Variants in ADIPOR2 observed in about 807,000 individuals in gnomAD.
ADIPOR2 encodes the protein adiponectin receptor 2, also known as adiponectin receptor protein 2.
In ADIPOR2, 18 loss-of-function variants were observed where a neutral mutation model predicts 40.9. The observed-to-expected ratio is 0.44, with a 90% CI of 0.30 to 0.65. The LOEUF is 0.65. ADIPOR2 is among the 30% of genes least tolerant of loss of function. The pLI is 0.09. For synonymous variants in ADIPOR2, 165 were observed against 166.4 expected (o/e 0.99, Z 0.06); for missense variants, 283 against 479.2 (o/e 0.59, Z 3.82).
intron 1 of ADIPOR2, among the ~76,000 whole-genome samples, chr12:1,714,007 C>G (rs1417367891): frequency 6.6e-6 from 1 of 152,124 alleles, no homozygotes; most frequent in Non-Finnish European, 1.5e-5. Flanking sequence ...CCCGGGCACC[C>G]TCAGTCCTGT....
rs74261157 is a variant in ADIPOR2 at position 1,730,222 on chromosome 12, GT to G, written c.-86-24021del. On this transcript the variant is annotated intron_variant, in intron 1 of 7. Transcript: ENST00000357103. ...TATAATCACTATTAGGGGTATTAAA[GT>G]TTTTTTTTTTTTTTAAACAAAAACT... Among the ~76,000 whole-genome samples the G allele has an allele frequency of 6.2e-3, 872 of 140,222 alleles. 7 individuals are homozygous for G. The highest frequency in any genetic ancestry group is 0.015 in the African/African-American group (591 of 38,426). The allele number at this position is 140,222 out of a possible 152,430, so 92.0% of individuals were successfully genotyped here.
chr12:1,743,507 C>T (rs2094748146), intron 1 of ADIPOR2, among the ~76,000 whole-genome samples: 1 of 151,722 alleles, frequency 6.6e-6, no homozygotes, highest in Admixed American at 6.6e-5. Flanking sequence ...TCCAGTGCTA[C>T]AAAAAATTAA....
In ADIPOR2 at chr12:1,748,834, T is replaced by TC. The variant is rs562461189; in HGVS notation, c.-86-5420dup. Reference sequence around the variant, plus strand: ...TGTGATCACACACATGGGGTTGTTTTCCCCACACACCAAGCAGCAGACAGC... The same window carrying TC: ...TGTGATCACACACATGGGGTTGTTTTCCCCCACACACCAAGCAGCAGACAGC... On this transcript the variant is annotated intron_variant, in intron 1 of 7. Transcript: ENST00000357103. Among the ~76,000 whole-genome samples, 6 of 152,028 alleles carry TC rather than the reference T, an allele frequency of 3.9e-5. No individual in the cohort carries two copies. The South Asian group carries it at 1.2e-3, about 32-fold the overall frequency.
chr12:1,732,696 T>G (rs2094722886), intron 1 of ADIPOR2, among the ~76,000 whole-genome samples: 1 of 152,206 alleles, frequency 6.6e-6, no homozygotes, highest in Non-Finnish European at 1.5e-5. Context: ...ACTTTTGTAT[T>G]TATGCATACA....
Position 1,770,163 on chromosome 12 carries a change from C to G in ADIPOR2, c.172-2679C>G, listed in dbSNP as rs552796344. Among the ~76,000 whole-genome samples, 388 of 152,300 alleles carry G rather than the reference C, an allele frequency of 2.5e-3. 3 individuals are homozygous for G. Among genetic ancestry groups the G allele is most frequent in the Non-Finnish European group, 4.6e-3 (314 of 68,026 alleles). ...TCTCGAGCTCCTGGGCTCAAGCCAT[C>G]CTCCTGTCTTGGCCGCTATCAGTAG... On this transcript the variant is annotated intron_variant, in intron 2 of 7. Transcript: ENST00000357103.
At chr12:1,704,519 G>C (rs1038664028) in intron 1 of ADIPOR2, among the ~76,000 whole-genome samples, 2 of 152,238 alleles carry the variant, frequency 1.3e-5, no homozygotes, top group African/African-American at 2.4e-5. Context: ...GCTGGCTACA[G>C]ACCTTGGAAA....
intron 6 of ADIPOR2, among the ~76,000 whole-genome samples, chr12:1,781,643 AG>A (rs998186169): frequency 3.3e-5 from 5 of 152,314 alleles, no homozygotes; most frequent in Admixed American, 6.5e-5. Context: ...CAAGCCCCTC[AG>A]TGCCTTGGCT....
chr12:1,774,870 A>T (rs1024758873), intron 3 of ADIPOR2, among the ~76,000 whole-genome samples: 2 of 150,638 alleles, frequency 1.3e-5, no homozygotes, highest in Non-Finnish European at 3.0e-5. Context: ...ATGCCCGGCT[A>T]ATTTTTGTAT....
At chr12:1,695,398 A>G (rs1225819401) in intron 1 of ADIPOR2, among the ~76,000 whole-genome samples, 2 of 151,890 alleles carry the variant, frequency 1.3e-5, no homozygotes, top group East Asian at 1.9e-4. Context: ...TAACGTCGGT[A>G]ATCCTTGCAC....
At chr12:1,785,208 G>C (rs1209064184) in intron 7 of ADIPOR2, among the ~76,000 whole-genome samples, 1 of 152,186 alleles carries the variant, frequency 6.6e-6, no homozygotes, top group Non-Finnish European at 1.5e-5. Context: ...ACAGAATAGT[G>C]TAATTTTTGA....
intron 1 of ADIPOR2, among the ~76,000 whole-genome samples, chr12:1,744,488 G>A (rs757599291): frequency 4.0e-4 from 61 of 151,688 alleles, no homozygotes; most frequent in Non-Finnish European, 8.1e-4. Flanking sequence ...GGCGCGTACC[G>A]CCATGACCGG....
At chr12:1,722,688 C>G (rs1452838002) in intron 1 of ADIPOR2, among the ~76,000 whole-genome samples, 2 of 152,210 alleles carry the variant, frequency 1.3e-5, no homozygotes, top group African/African-American at 4.8e-5. Flanking sequence ...AGATTCGAAT[C>G]TTACTTTTAT....
At chr12:1,701,178 A>G (rs984786898) in intron 1 of ADIPOR2, among the ~76,000 whole-genome samples, 3 of 139,036 alleles carry the variant, frequency 2.2e-5, no homozygotes, top group African/African-American at 8.2e-5. Flanking sequence ...CACCCAGGCT[A>G]GAGTACAGGG....
At chr12:1,766,904 A>C (rs1862391702) in intron 2 of ADIPOR2, among the ~76,000 whole-genome samples, 1 of 152,212 alleles carries the variant, frequency 6.6e-6, no homozygotes, top group South Asian at 2.1e-4. Flanking sequence ...ATTGTAAGAA[A>C]ACTAACTTGT....
intron 2 of ADIPOR2, chr12:1,757,310 A>C: frequency 1.5e-6 from 1 of 669,366 alleles, no homozygotes; most frequent in African/African-American, 1.8e-5. Flanking sequence ...TTCCTCAGGG[A>C]AGAGAAGTCT....
chr12:1,722,013 C>A (rs1001790987), intron 1 of ADIPOR2, among the ~76,000 whole-genome samples: 1 of 151,846 alleles, frequency 6.6e-6, no homozygotes, highest in Non-Finnish European at 1.5e-5. Context: ...CAGTGGAGGG[C>A]TGTAGCAGGG....
chr12:1,770,517 C>A (rs1000585723), intron 2 of ADIPOR2, among the ~76,000 whole-genome samples: 1 of 151,954 alleles, frequency 6.6e-6, no homozygotes, highest in African/African-American at 2.4e-5. Context: ...AGCTATTGCC[C>A]GTTTTCAGGT....
chr12:1,722,572 G>A (rs1362346750), intron 1 of ADIPOR2, among the ~76,000 whole-genome samples: 2 of 152,174 alleles, frequency 1.3e-5, no homozygotes, highest in East Asian at 3.8e-4. Context: ...GTAAAGGATG[G>A]AATGAGAATA....
At chr12:1,699,651 TAAAAAG>T (rs1378891135) in intron 1 of ADIPOR2, among the ~76,000 whole-genome samples, 4 of 152,084 alleles carry the variant, frequency 2.6e-5, no homozygotes, top group Non-Finnish European at 5.9e-5. Flanking sequence ...AACTCCGTCT[TAAAAAG>T]AAAAGAAAAA....
Sources: allele counts gnomAD v4.1 joint callset (sites outside exome capture counted in the v4.1 genomes callset), GRCh38; gene constraint gnomAD v4.1.1; transcripts MANE v1.5; gene names NCBI Gene and HGNC (gene_info 2026-07-23, HGNC 2026-07-21).